KCNIP4: variants seen among roughly 807,000 people sequenced by gnomAD.
KCNIP4 encodes Kv channel-interacting protein 4.
Under a neutral mutation model 34.0 loss-of-function variants are expected in KCNIP4, and 12 were observed. That is an observed-to-expected ratio of 0.35 (90% CI 0.23 to 0.57). The LOEUF (loss-of-function observed/expected upper bound fraction) is 0.57. Ranked by LOEUF, KCNIP4 falls within the 20% of genes least tolerant of loss-of-function variation. The pLI is 0.83. For missense variants in KCNIP4, 238 were observed against 311.7 expected (o/e 0.76, Z 1.78); for synonymous variants, 124 against 102.2 (o/e 1.21, Z -1.29).
chr4:21,757,044 C>A (rs895560681), intron 1 of KCNIP4, among the ~76,000 whole-genome samples: 1 of 149,742 alleles, frequency 6.7e-6, no homozygotes, highest in Non-Finnish European at 1.5e-5. Context: ...TTGCAGTGAG[C>A]TGAGATCCAG....
chr4:21,257,219 C>A (rs1415162760), intron 1 of KCNIP4, among the ~76,000 whole-genome samples: 2 of 152,158 alleles, frequency 1.3e-5, no homozygotes, highest in African/African-American at 4.8e-5. Context: ...AAGAGTTCCA[C>A]TTTTGGCATG....
chr4:21,812,824 T>G (rs577850372), intron 1 of KCNIP4, among the ~76,000 whole-genome samples: 3 of 152,276 alleles, frequency 2.0e-5, no homozygotes, highest in Non-Finnish European at 4.4e-5. Context: ...AATCACTGGT[T>G]TACCTACTGT....
chr4:20,752,007 G>T (rs1411759432), intron 4 of KCNIP4, among the ~76,000 whole-genome samples: 1 of 148,312 alleles, frequency 6.7e-6, no homozygotes, highest in East Asian at 2.0e-4. Context: ...GTGTGGCTCA[G>T]TTTCCTCATC....
At chr4:20,739,533 A>G (rs1750546260) in intron 5 of KCNIP4, among the ~76,000 whole-genome samples, 1 of 152,204 alleles carries the variant, frequency 6.6e-6, no homozygotes, top group African/African-American at 2.4e-5. Context: ...TGACAAACAG[A>G]AGGGAATAGC....
intron 1 of KCNIP4, among the ~76,000 whole-genome samples, chr4:21,769,962 C>T (rs939843079): frequency 6.6e-6 from 1 of 151,960 alleles, no homozygotes; most frequent in Non-Finnish European, 1.5e-5. Context: ...TGGCCAGCTG[C>T]CAATCAATTC....
chr4:21,364,733 G>A (rs957749752), intron 1 of KCNIP4, among the ~76,000 whole-genome samples: 9 of 151,964 alleles, frequency 5.9e-5, no homozygotes, highest in Non-Finnish European at 1.0e-4. Flanking sequence ...TAGATTATAA[G>A]GACACACAAA....
At chr4:20,738,244 A>G (rs1750180545) in intron 5 of KCNIP4, among the ~76,000 whole-genome samples, 1 of 152,196 alleles carries the variant, frequency 6.6e-6, no homozygotes, top group Non-Finnish European at 1.5e-5. Context: ...GATGAGATTG[A>G]TTGTTATCAA....
intron 3 of KCNIP4, among the ~76,000 whole-genome samples, chr4:20,776,019 A>G (rs1469747909): frequency 6.6e-6 from 1 of 152,214 alleles, no homozygotes; most frequent in African/African-American, 2.4e-5. Context: ...AGGTCCAGAA[A>G]TTCCAGGCAT....
intron 3 of KCNIP4, among the ~76,000 whole-genome samples, chr4:20,782,441 A>T (rs576537999): frequency 3.3e-5 from 5 of 152,322 alleles, no homozygotes; most frequent in Admixed American, 2.6e-4. Flanking sequence ...CTGCCTGGAC[A>T]TCCAGGCATT....
intron 3 of KCNIP4, among the ~76,000 whole-genome samples, chr4:20,810,162 C>T (rs1715545732): frequency 6.6e-6 from 1 of 152,192 alleles, no homozygotes; most frequent in Non-Finnish European, 1.5e-5. Flanking sequence ...CAATTTTCCT[C>T]ATTGCTGTTG....
intron 1 of KCNIP4, among the ~76,000 whole-genome samples, chr4:21,112,057 C>CTATCTATCTATCTATCCATCTATA (rs1560732969): frequency 2.0e-5 from 3 of 151,938 alleles, no homozygotes; most frequent in Non-Finnish European, 4.4e-5. Context: ...ATCTATCTAT[C>CTATCTATCTATCTATCCATCTATA]TATCTATCTA....
chr4:21,252,352 T>G (rs1438800561), intron 1 of KCNIP4, among the ~76,000 whole-genome samples: 1 of 152,020 alleles, frequency 6.6e-6, no homozygotes, highest in African/African-American at 2.4e-5. Flanking sequence ...GGTCTCGATC[T>G]CCTAACCTCG....
chr4:21,109,393 G>C (rs1026597928), intron 1 of KCNIP4, among the ~76,000 whole-genome samples: 1 of 152,266 alleles, frequency 6.6e-6, no homozygotes, highest in Non-Finnish European at 1.5e-5. Flanking sequence ...TTGGGTGTAG[G>C]ACCCTCTGAG....
chr4:21,852,267 T>C (rs2109337872), intron 1 of KCNIP4: 1 of 152,278 alleles, frequency 6.6e-6, no homozygotes, highest in South Asian at 2.1e-4. Context: ...TGAATGCTTT[T>C]TATAAGCTTT....
At chr4:21,548,343 C>A (rs1234743694) in intron 1 of KCNIP4, among the ~76,000 whole-genome samples, 1 of 152,000 alleles carries the variant, frequency 6.6e-6, no homozygotes, top group African/African-American at 2.4e-5. Context: ...ATATGAAGGT[C>A]AGAACTGTCT....
intron 1 of KCNIP4, among the ~76,000 whole-genome samples, chr4:21,512,080 G>A (rs201469771): frequency 1.6e-5 from 2 of 123,268 alleles, no homozygotes; most frequent in African/African-American, 6.4e-5. Flanking sequence ...AAGGAAAGAA[G>A]GAAGGAAGGA....
At chr4:21,283,202 G>A (rs1762890201) in intron 1 of KCNIP4, among the ~76,000 whole-genome samples, 1 of 152,110 alleles carries the variant, frequency 6.6e-6, no homozygotes, top group African/African-American at 2.4e-5. Flanking sequence ...TAAATGGGTA[G>A]GTGGGATCTT....
At chr4:21,113,202 A>C (rs11944192) in intron 1 of KCNIP4, among the ~76,000 whole-genome samples, 39,280 of 152,088 alleles carry the variant, frequency 0.26, 5,936 homozygotes, top group African/African-American at 0.43. Context: ...AAGGCAATGG[A>C]ACAATCTAGT....
intron 1 of KCNIP4, among the ~76,000 whole-genome samples, chr4:21,326,397 A>G (rs1237166321): frequency 6.6e-6 from 1 of 150,836 alleles, no homozygotes; most frequent in Non-Finnish European, 1.5e-5. Flanking sequence ...CTTGAAATCT[A>G]TTTTGTCTAA....
Sources: gnomAD v4.1 joint callset for allele counts (sites outside exome capture counted in the v4.1 genomes callset) on GRCh38, gnomAD v4.1.1 for gene constraint, MANE v1.5 for transcripts, NCBI Gene and HGNC (gene_info 2026-07-23, HGNC 2026-07-21) for gene names.